Variants in PCDH15 observed in about 807,000 individuals in gnomAD.
The protein encoded by PCDH15 is protocadherin-15.
Under a neutral mutation model 178.5 loss-of-function variants are expected in PCDH15, and 129 were observed. The observed-to-expected ratio is 0.72, with a 90% CI of 0.63 to 0.84. The LOEUF (loss-of-function observed/expected upper bound fraction) is 0.84. Among genes scored for constraint, PCDH15 ranks in the 40% least tolerant of loss-of-function variants. The pLI, the probability that PCDH15 is intolerant of heterozygous loss-of-function variation, is 0.00. For missense variants in PCDH15, 2,230 were observed against 2,099.9 expected (o/e 1.06, Z -1.21); for synonymous variants, 800 against 732.0 (o/e 1.09, Z -1.50).
At chr10:53,881,101 A>C (rs1256928629) in intron 26 of PCDH15, among the ~76,000 whole-genome samples, 1 of 152,206 alleles carries the variant, frequency 6.6e-6, no homozygotes, top group African/African-American at 2.4e-5. Flanking sequence ...CATGAGTACC[A>C]ACTTACAAGT....
At chr10:54,919,253 G>C (rs541832543) in intron 2 of PCDH15, among the ~76,000 whole-genome samples, 2 of 152,054 alleles carry the variant, frequency 1.3e-5, no homozygotes, top group South Asian at 4.1e-4. Flanking sequence ...AGCATCCCTT[G>C]TGTAGTCATA....
chr10:55,307,111 T>G (rs1190724263), intron 1 of PCDH15, among the ~76,000 whole-genome samples: 1 of 152,008 alleles, frequency 6.6e-6, no homozygotes, highest in Non-Finnish European at 1.5e-5. Flanking sequence ...TAATATGTAT[T>G]TTATATATAA....
At chr10:55,153,473 C>T (rs559044205) in intron 2 of PCDH15, among the ~76,000 whole-genome samples, 10 of 152,022 alleles carry the variant, frequency 6.6e-5, no homozygotes, top group South Asian at 2.1e-4. Context: ...TTGTAGTGGG[C>T]GTATAATTTA....
At chr10:54,590,540 T>C (rs1476365489) in intron 2 of PCDH15, among the ~76,000 whole-genome samples, 1 of 152,218 alleles carries the variant, frequency 6.6e-6, no homozygotes, top group East Asian at 1.9e-4. Context: ...GGCAGCCTAA[T>C]ATTATCTACG....
intron 2 of PCDH15, among the ~76,000 whole-genome samples, chr10:55,410,329 A>T (rs1462813638): frequency 6.7e-6 from 1 of 148,828 alleles, no homozygotes; most frequent in Non-Finnish European, 1.5e-5. Context: ...AAATAACATG[A>T]GTGAATCTTC....
intron 2 of PCDH15, among the ~76,000 whole-genome samples, chr10:54,620,605 C>T (rs10825367): frequency 0.53 from 80,675 of 151,754 alleles, 21,521 homozygotes; most frequent in Non-Finnish European, 0.55. Flanking sequence ...TAGTTTCTTG[C>T]GAAAGCTGAG....
intron 3 of PCDH15, among the ~76,000 whole-genome samples, chr10:54,873,110 C>T (rs1954069255): frequency 6.6e-6 from 1 of 152,002 alleles, no homozygotes; most frequent in African/African-American, 2.4e-5. Context: ...TAAATTTGAC[C>T]TTTTTGGTGT....
chr10:53,887,209 G>C (rs913042716), intron 26 of PCDH15, among the ~76,000 whole-genome samples: 2 of 152,034 alleles, frequency 1.3e-5, no homozygotes, highest in African/African-American at 4.8e-5. Flanking sequence ...CTGTAATATA[G>C]TATTTCGTCT....
intron 2 of PCDH15, among the ~76,000 whole-genome samples, chr10:55,092,325 CTAT>C (rs1247529772): frequency 2.6e-5 from 4 of 151,810 alleles, no homozygotes; most frequent in African/African-American, 9.7e-5. Flanking sequence ...TCCTCAGGTT[CTAT>C]ATGAACTCTG....
chr10:55,321,977 C>T (rs1360911523), upstream of PCDH15, among the ~76,000 whole-genome samples: 1 of 152,176 alleles, frequency 6.6e-6, no homozygotes, highest in Non-Finnish European at 1.5e-5. Flanking sequence ...GCTAACAACA[C>T]AGTGATGGGA....
intron 2 of PCDH15, among the ~76,000 whole-genome samples, chr10:54,597,142 T>C (rs2092281106): frequency 6.6e-6 from 1 of 152,142 alleles, no homozygotes; most frequent in Non-Finnish European, 1.5e-5. Flanking sequence ...CAACATAATG[T>C]ACATTCTTCT....
chr10:54,374,446 G>A (rs1948115790), intron 4 of PCDH15, among the ~76,000 whole-genome samples: 1 of 151,964 alleles, frequency 6.6e-6, no homozygotes, highest in Admixed American at 6.6e-5. Context: ...TTTTCTTTCT[G>A]TTATTATTTT....
At chr10:55,448,337 C>G (rs1218835285) in intron 2 of PCDH15, among the ~76,000 whole-genome samples, 1 of 151,818 alleles carries the variant, frequency 6.6e-6, no homozygotes, top group Non-Finnish European at 1.5e-5. Flanking sequence ...TAATAAATAT[C>G]TCATCTGTGA....
intron 2 of PCDH15, among the ~76,000 whole-genome samples, chr10:54,623,674 A>G (rs1297982226): frequency 6.6e-6 from 1 of 152,100 alleles, no homozygotes; most frequent in Non-Finnish European, 1.5e-5. Context: ...AAACTATATA[A>G]ATTGACCCTT....
At chr10:54,194,610 A>G (rs12245046) in intron 11 of PCDH15, among the ~76,000 whole-genome samples, 41,536 of 150,758 alleles carry the variant, frequency 0.28, 6,401 homozygotes, top group Non-Finnish European at 0.36. Context: ...TTTTATATAT[A>G]TGTGTGTGTG....
intron 2 of PCDH15, among the ~76,000 whole-genome samples, chr10:55,598,555 T>TATAGATAGATAGATAGATAG (rs1842990285): frequency 1.0e-5 from 1 of 95,414 alleles, no homozygotes. Context: ...TATATATATA[T>TATAGATAGATAGATAGATAG]ATATATATAT....
intron 2 of PCDH15, among the ~76,000 whole-genome samples, chr10:55,034,814 A>T (rs1840695866): frequency 6.6e-6 from 1 of 152,180 alleles, no homozygotes; most frequent in African/African-American, 2.4e-5. Context: ...TTATATTGCA[A>T]TTATTGTATT....
intron 3 of PCDH15, among the ~76,000 whole-genome samples, chr10:54,489,983 T>A (rs2079435903): frequency 6.6e-6 from 1 of 152,182 alleles, no homozygotes; most frequent in Admixed American, 6.6e-5. Flanking sequence ...AAATTATAAA[T>A]CTGATCCTAA....
At chr10:55,455,238 C>T (rs1487508295) in intron 2 of PCDH15, among the ~76,000 whole-genome samples, 2 of 152,108 alleles carry the variant, frequency 1.3e-5, no homozygotes, top group African/African-American at 4.8e-5. Flanking sequence ...ATAGACTACA[C>T]CCAAATATAA....
Sources: allele counts gnomAD v4.1 joint callset (sites outside exome capture counted in the v4.1 genomes callset), GRCh38; gene constraint gnomAD v4.1.1; transcripts MANE v1.5; gene names NCBI Gene and HGNC (gene_info 2026-07-23, HGNC 2026-07-21).